Variants in ATAD2 observed in about 807,000 individuals in gnomAD.
ATAD2 encodes ATPase family AAA domain containing 2.
A neutral mutation model predicts 168.9 loss-of-function variants in ATAD2; 62 were observed. The ratio of observed to expected loss-of-function variants is 0.37; its 90% CI spans 0.30 to 0.45. ATAD2 has a LOEUF of 0.45. Ranked by LOEUF, ATAD2 falls within the 20% of genes least tolerant of loss-of-function variation. The pLI is 1.00. For missense variants in ATAD2, 1,419 were observed against 1,667.8 expected, an observed-to-expected ratio of 0.85 and a Z score of 2.60; for synonymous variants, 613 against 571.6, an observed-to-expected ratio of 1.07 and a Z score of -1.03.
chr8:123,400,366 G>C (rs749599257), upstream of ATAD2, among the ~76,000 whole-genome samples: 11 of 152,000 alleles, frequency 7.2e-5, 1 homozygote, highest in South Asian at 8.3e-4. The surrounding 1 kb of genome is among the most constrained non-coding windows in gnomAD (Gnocchi z 4.5). Flanking sequence ...TCCCCAGGGA[G>C]CTTATTAAAC....
intron 1 of ATAD2, among the ~76,000 whole-genome samples, chr8:123,415,123 T>C (rs939307597): frequency 6.6e-6 from 1 of 152,234 alleles, no homozygotes; most frequent in Non-Finnish European, 1.5e-5. Context: ...TCTCTCACCA[T>C]TTGTCTGAAA....
intron 13 of ATAD2, among the ~76,000 whole-genome samples, chr8:123,350,480 A>C (rs969102153): frequency 1.3e-5 from 2 of 152,198 alleles, no homozygotes; most frequent in Non-Finnish European, 2.9e-5. Context: ...CATTTGATTT[A>C]GTTAATCCAG....
intron 2 of ATAD2, among the ~76,000 whole-genome samples, chr8:123,375,104 G>A (rs1829267018): frequency 6.6e-6 from 1 of 152,148 alleles, no homozygotes; most frequent in South Asian, 2.1e-4. Flanking sequence ...TATGAAAAAG[G>A]ACTCAGAAAT....
Position 123,325,943 on chromosome 8 carries a change from T to C in ATAD2, c.3952A>G (p.Ile1318Val), listed in dbSNP as rs1827604268. ...AGTGAGGGTGTAGGCTGAGAAAGAATTGCCAAAGCCTTTTCAACAGTGATG... is the reference window on the plus strand; with the variant it reads ...AGTGAGGGTGTAGGCTGAGAAAGAACTGCCAAAGCCTTTTCAACAGTGATG... ...QLITVEKALA[I>V]LSQPTPSLVV... The change falls in exon 26 of 28, where the codon ATT becomes GTT. Residue 1318 changes from isoleucine (I) to valine (V), a missense_variant. By Grantham distance (29) the Ile-to-Val change is conservative. Around this residue, in one of 5 missense-constraint regions of ATAD2, gnomAD observed 303 missense variants for 304.3 expected, o/e 1.00. Coordinates refer to ENST00000287394, the MANE Select transcript of ATAD2 (RefSeq NM_014109.4). 2 of 1,614,162 alleles carry C rather than the reference T, an allele frequency of 1.2e-6. No homozygotes were observed. The highest frequency in any genetic ancestry group is 1.6e-4 in the Middle Eastern group (1 of 6,062).
intron 1 of ATAD2, among the ~76,000 whole-genome samples, chr8:123,407,505 T>C (rs1006472478): frequency 6.7e-6 from 1 of 149,498 alleles, no homozygotes; most frequent in African/African-American, 2.5e-5. Context: ...AGGTGGATCA[T>C]CTGAGGTCAG....
intron 1 of ATAD2, among the ~76,000 whole-genome samples, chr8:123,391,986 C>A (rs567456058): frequency 3.2e-4 from 48 of 152,248 alleles, no homozygotes; most frequent in Non-Finnish European, 4.4e-4. Context: ...TGAGGGGGAT[C>A]CTTTCTACCC....
intron 20 of ATAD2, 152 bp downstream of exon 20, chr8:123,339,159 A>T: frequency 1.5e-6 from 1 of 675,292 alleles, no homozygotes; most frequent in Non-Finnish European, 2.4e-6. Flanking sequence ...AGTCTGTTTT[A>T]ATGGGAAGCA....
chr8:123,405,494 G>C (rs1210801656), intron 1 of ATAD2, among the ~76,000 whole-genome samples: 1 of 151,828 alleles, frequency 6.6e-6, no homozygotes, highest in Non-Finnish European at 1.5e-5. Flanking sequence ...CAACTCCTGA[G>C]CTCAGATGAT....
At chr8:123,397,037 T>C (rs934439295), upstream of ATAD2, among the ~76,000 whole-genome samples, 9 of 151,846 alleles carry the variant, frequency 5.9e-5, no homozygotes, top group African/African-American at 2.2e-4. Context: ...TGCCATCGTT[T>C]AGTTAAGGAC....
At chr8:123,362,872 C>A (rs1457528375) in intron 8 of ATAD2, among the ~76,000 whole-genome samples, 1 of 152,140 alleles carries the variant, frequency 6.6e-6, no homozygotes, top group Non-Finnish European at 1.5e-5. Flanking sequence ...CACTTAACAG[C>A]TGTGTAAATG....
upstream of ATAD2, chr8:123,396,488 C>T (rs554681983): frequency 8.1e-4 from 778 of 961,910 alleles, 1 homozygote; most frequent in Non-Finnish European, 1.0e-3. Context: ...GCGCGCGCGC[C>T]CAGAATCCCT....
At chr8:123,372,511 T>G in intron 3 of ATAD2, 126 bp downstream of exon 3, 1 of 722,128 alleles carries the variant, frequency 1.4e-6, no homozygotes, top group Non-Finnish European at 2.1e-6. Context: ...TGGCATATAC[T>G]TACGTTAAAA....
chr8:123,370,955 T>G lies in ATAD2; in HGVS notation c.675A>C (p.Lys225Asn). The G allele has an allele frequency of 6.2e-7, 1 of 1,607,624 alleles. No homozygotes were observed. Among genetic ancestry groups the G allele is most frequent in the Non-Finnish European group, 8.5e-7 (1 of 1,176,254 alleles). The stretch of plus-strand genomic sequence containing the variant: ...TTTCTTCATCAGTTCTTTGAATATC[T>G]TTCTGTTTTCCTCTTGTGTACATAT... ...NLNMYTRGKQ[K>N]DIQRTDEETT... Residue 225 changes from lysine (K) to asparagine (N), a missense_variant, in exon 6 of 28, where the codon AAA becomes AAC. Coordinates refer to ENST00000287394, the MANE Select transcript of ATAD2 (RefSeq NM_014109.4).
intron 1 of ATAD2, among the ~76,000 whole-genome samples, chr8:123,389,500 C>T (rs191589519): frequency 0.01 from 1,557 of 151,258 alleles, 34 homozygotes; most frequent in African/African-American, 0.035. Flanking sequence ...CTTAGCCGGG[C>T]GTGGTGGCGG....
At position 123,336,436 on chromosome 8, in the gene ATAD2, A is replaced by G; in HGVS notation, c.3148T>C (p.Leu1050=). The G allele has an allele frequency of 6.3e-7, 1 of 1,583,328 alleles. No homozygotes were observed. Residue 1050 remains leucine, a synonymous_variant, in exon 22 of 28, where the codon TTG becomes CTG. Coordinates refer to ENST00000287394, the MANE Select transcript of ATAD2 (RefSeq NM_014109.4). The part of the protein sequence containing the change: ...LHKYLTVKDY[L]RDIDLICSNA... The stretch of plus-strand genomic sequence containing the variant: ...CTACAGATTAGATCAATATCTCTCA[A>G]ATAGTCTTTCACAGTCAGATACTTG...
intron 19 of ATAD2, among the ~76,000 whole-genome samples, chr8:123,340,753 A>G (rs1563838730): frequency 2.0e-5 from 3 of 152,234 alleles, no homozygotes; most frequent in Non-Finnish European, 2.9e-5. Flanking sequence ...TAAATAATTC[A>G]GAGCCAAATT....
chr8:123,391,606 C>T (rs1829828281), intron 1 of ATAD2, among the ~76,000 whole-genome samples: 1 of 151,274 alleles, frequency 6.6e-6, no homozygotes, highest in Non-Finnish European at 1.5e-5. Flanking sequence ...AAGAAATGCT[C>T]TGTCAATAAA....
Position 123,339,354 on chromosome 8 carries a change from A to T in ATAD2, c.2811T>A (p.Ile937=). 1.2e-6 allele frequency: 2 copies of T among 1,600,668 alleles called. No individual in the cohort carries two copies. The highest frequency in any genetic ancestry group is 1.7e-6 in the Non-Finnish European group (2 of 1,171,496). ...EERTKFFEDL[I]LKQAAKPPIS... ...TAGGAGGCTTAGCAGCTTGTTTTAG[A>T]ATTAAATCTTCAAAAAATTTTGTCC... is the stretch of plus-strand genomic sequence containing the variant. The change falls in exon 20 of 28, where the codon ATT becomes ATA. Residue 937 remains isoleucine (I), a synonymous_variant. Coordinates refer to ENST00000287394, the MANE Select transcript of ATAD2 (RefSeq NM_014109.4).
At chr8:123,354,865 ATAT>A (rs376916892) in intron 13 of ATAD2, among the ~76,000 whole-genome samples, 2,540 of 53,800 alleles carry the variant, frequency 0.047, 306 homozygotes, top group Non-Finnish European at 0.057. Context: ...AAAAAAAAAA[ATAT>A]ATATATATAT....
Sources: allele counts gnomAD v4.1 joint callset (sites outside exome capture counted in the v4.1 genomes callset), GRCh38; gene constraint gnomAD v4.1.1; regional missense constraint gnomAD v4.1.1; non-coding constraint Gnocchi (gnomAD v3.1); transcripts MANE v1.5; gene names NCBI Gene and HGNC (gene_info 2026-07-23, HGNC 2026-07-21).